The following XKR9 variants were observed in gnomAD, a reference collection of about 807,000 sequenced individuals.
XKR9 encodes XK related 9.
Under a neutral mutation model 32.0 loss-of-function variants are expected in XKR9, and 32 were observed. That is an observed-to-expected ratio of 1.00 (90% CI 0.76 to 1.34). XKR9 has a LOEUF of 1.34. Among genes scored for constraint, XKR9 ranks in the 40% most tolerant of loss-of-function variants. The probability of loss-of-function intolerance (pLI) is 0.00; values close to 1 mark genes in which losing one functional copy is unlikely to be tolerated. For missense variants in XKR9, 546 were observed against 429.7 expected, an observed-to-expected ratio of 1.27 and a Z score of -2.39; for synonymous variants, 168 against 143.4, an observed-to-expected ratio of 1.17 and a Z score of -1.22.
intron 2 of XKR9, among the ~76,000 whole-genome samples, chr8:70,744,309 TC>T (rs1184303751): frequency 9.3e-4 from 92 of 99,260 alleles, no homozygotes; most frequent in African/African-American, 3.2e-3. Flanking sequence ...AGACTTCGCC[TC>T]AAAAAAAAAA....
intron 4 of XKR9, among the ~76,000 whole-genome samples, chr8:70,710,170 G>A (rs183911190): frequency 1.2e-3 from 186 of 152,198 alleles, no homozygotes; most frequent in Middle Eastern, 3.4e-3. Context: ...CGACAGAGTC[G>A]ACAGTAACAA....
At chr8:71,055,140 T>G in the XKR9 span, among the ~76,000 whole-genome samples, 1 of 152,216 alleles carries the variant, frequency 6.6e-6, no homozygotes, top group Non-Finnish European at 1.5e-5. Context: ...ATTAGGTAGA[T>G]GTTTGGGATT....
chr8:70,794,699 C>T (rs779919567), downstream of XKR9, among the ~76,000 whole-genome samples: 6 of 151,654 alleles, frequency 4.0e-5, no homozygotes, highest in Non-Finnish European at 8.8e-5. Flanking sequence ...TGGAATAAGT[C>T]CTACTTATTC....
At chr8:70,988,568 A>T in the XKR9 span, among the ~76,000 whole-genome samples, 1 of 152,086 alleles carries the variant, frequency 6.6e-6, no homozygotes, top group African/African-American at 2.4e-5. Context: ...TGCATGTCTG[A>T]TTCTTGTTTC....
At chr8:70,811,586 C>A in the XKR9 span, among the ~76,000 whole-genome samples, 1 of 152,036 alleles carries the variant, frequency 6.6e-6, no homozygotes, top group Non-Finnish European at 1.5e-5. Context: ...CAAATAGACA[C>A]AATAAAAAAT....
At position 70,669,398 on chromosome 8, in the gene XKR9, G is replaced by C; in HGVS notation, c.-501G>C. ...AGTGGTGGGAAGGCTGGCGCGAGGCGTGAGGTGGCGTGAGGCGAAGCTGGA... is the reference window on the plus strand; with the variant it reads ...AGTGGTGGGAAGGCTGGCGCGAGGCCTGAGGTGGCGTGAGGCGAAGCTGGA... On this transcript the variant is annotated 5_prime_UTR_variant, in exon 1 of 5. Coordinates refer to ENST00000408926, the MANE Select transcript of XKR9 (RefSeq NM_001011720.2). 4.9e-6 allele frequency: 2 copies of C among 412,348 alleles called. No individual in the cohort carries two copies. Among genetic ancestry groups the C allele is most frequent in the Non-Finnish European group, 8.8e-6 (2 of 227,152 alleles). The allele number at this position is 412,348 out of a possible 1,614,324, so 25.5% of individuals were successfully genotyped here.
At chr8:70,755,046 T>A (rs1219047733) in intron 2 of XKR9, among the ~76,000 whole-genome samples, 3 of 152,056 alleles carry the variant, frequency 2.0e-5, no homozygotes, top group South Asian at 4.2e-4. Flanking sequence ...GAATCTACAA[T>A]GAACTCAAAC....
At chr8:70,946,001 G>C in the XKR9 span, among the ~76,000 whole-genome samples, 1 of 152,160 alleles carries the variant, frequency 6.6e-6, no homozygotes, top group Non-Finnish European at 1.5e-5. Context: ...TGGGCATGGT[G>C]GTGCGCGCCT....
intron 3 of XKR9, among the ~76,000 whole-genome samples, chr8:70,695,936 G>C (rs1805256715): frequency 1.3e-5 from 2 of 151,822 alleles, no homozygotes; most frequent in South Asian, 4.2e-4. Context: ...CAGTGATGGT[G>C]AGCATTTTTT....
At chr8:70,744,771 A>C (rs1023396403) in intron 2 of XKR9, among the ~76,000 whole-genome samples, 2 of 130,858 alleles carry the variant, frequency 1.5e-5, no homozygotes, top group African/African-American at 5.5e-5. Context: ...ACGCCTGGCT[A>C]ATTTTTGTAT....
At chr8:70,975,363 T>G in the XKR9 span, among the ~76,000 whole-genome samples, 22 of 152,268 alleles carry the variant, frequency 1.4e-4, no homozygotes, top group African/African-American at 5.1e-4. Flanking sequence ...TCTAGGGTTT[T>G]CATGGTTTTA....
At chr8:70,810,270 T>A in the XKR9 span, among the ~76,000 whole-genome samples, 2 of 152,104 alleles carry the variant, frequency 1.3e-5, no homozygotes, top group African/African-American at 4.8e-5. Flanking sequence ...AGGCCTGCCC[T>A]AAAAGAGCTC....
chr8:70,756,339 T>C (rs1002725910), intron 2 of XKR9, among the ~76,000 whole-genome samples: 7 of 152,228 alleles, frequency 4.6e-5, no homozygotes, highest in Non-Finnish European at 1.5e-5. Context: ...ATTATTTTAA[T>C]TGTCCAGACT....
the XKR9 span, among the ~76,000 whole-genome samples, chr8:70,877,946 A>C: frequency 1.3e-5 from 2 of 152,236 alleles, no homozygotes; most frequent in South Asian, 4.1e-4. Context: ...AGCCCATCAG[A>C]CTAACAGTGG....
At chr8:70,727,742 C>A (rs1450536478) in intron 4 of XKR9, among the ~76,000 whole-genome samples, 2 of 151,918 alleles carry the variant, frequency 1.3e-5, no homozygotes, top group African/African-American at 4.8e-5. Flanking sequence ...TAGGGGAAGC[C>A]CGTGAGCTGG....
At chr8:71,050,530 C>T in the XKR9 span, among the ~76,000 whole-genome samples, 54 of 152,082 alleles carry the variant, frequency 3.6e-4, no homozygotes, top group Admixed American at 8.5e-4. Context: ...CGAATTAAGA[C>T]AGCAGGAGCT....
the XKR9 span, among the ~76,000 whole-genome samples, chr8:70,951,403 C>T: frequency 6.6e-6 from 1 of 152,218 alleles, no homozygotes; most frequent in African/African-American, 2.4e-5. Context: ...AGGGCCCTCA[C>T]AGGGCCTGTT....
intron 3 of XKR9, among the ~76,000 whole-genome samples, chr8:70,698,325 G>A (rs1265006509): frequency 6.6e-6 from 1 of 152,048 alleles, no homozygotes; most frequent in Non-Finnish European, 1.5e-5. Context: ...GGCATTTAGT[G>A]CTATAAATTT....
At chr8:70,908,868 T>G in the XKR9 span, among the ~76,000 whole-genome samples, 534 of 152,332 alleles carry the variant, frequency 3.5e-3, 4 homozygotes, top group African/African-American at 0.012. Flanking sequence ...TGCCAACCCC[T>G]GCTCTAGAAC....
Sources: gnomAD v4.1 joint callset for allele counts (sites outside exome capture counted in the v4.1 genomes callset) on GRCh38, gnomAD v4.1.1 for gene constraint, MANE v1.5 for transcripts, NCBI Gene and HGNC (gene_info 2026-07-23, HGNC 2026-07-21) for gene names.